DAAM2: variants seen among roughly 807,000 people sequenced by gnomAD.
DAAM2 encodes the protein dishevelled associated activator of morphogenesis 2, also known as disheveled-associated activator of morphogenesis 2.
DAAM2 carries 39 observed loss-of-function variants against 120.7 expected under a neutral mutation model. The observed-to-expected ratio is 0.32, with a 90% CI of 0.25 to 0.42. The LOEUF (loss-of-function observed/expected upper bound fraction) is 0.42, where lower values mean the gene tolerates loss of function less well. Ranked by LOEUF, DAAM2 falls within the 10% of genes least tolerant of loss-of-function variation. DAAM2 has a pLI of 1.00. For missense variants in DAAM2, 1,283 were observed against 1,401.7 expected (o/e 0.92, Z 1.35); for synonymous variants, 488 against 524.9 (o/e 0.93, Z 0.96).
chr6:39,804,043 C>T (rs960548669), intron 1 of DAAM2, among the ~76,000 whole-genome samples: 8 of 152,148 alleles, frequency 5.3e-5, no homozygotes, highest in East Asian at 1.9e-4. Context: ...GCATTGCTGT[C>T]CTGGTCAGTG....
At chr6:39,869,150 G>C (rs541526391) in intron 7 of DAAM2, among the ~76,000 whole-genome samples, 9 of 152,222 alleles carry the variant, frequency 5.9e-5, no homozygotes, top group African/African-American at 1.9e-4. Context: ...GGTGGGAGGA[G>C]GGCGAGTTTG....
intron 23 of DAAM2, among the ~76,000 whole-genome samples, chr6:39,900,549 G>C (rs373430220): frequency 6.6e-6 from 1 of 152,182 alleles, no homozygotes; most frequent in African/African-American, 2.4e-5. Flanking sequence ...GTAAGTTATA[G>C]AACTGGGTTA....
chr6:39,876,132 C>T (rs980970994), intron 11 of DAAM2, among the ~76,000 whole-genome samples: 20 of 152,122 alleles, frequency 1.3e-4, no homozygotes, highest in Admixed American at 1.3e-4. Flanking sequence ...TTCTGGTTTA[C>T]CATATTTTAT....
At chr6:39,815,761 A>G (rs1170733312) in intron 1 of DAAM2, among the ~76,000 whole-genome samples, 1 of 152,154 alleles carries the variant, frequency 6.6e-6, no homozygotes, top group African/African-American at 2.4e-5. Context: ...TATTACAACA[A>G]TTCAGAATTG....
At chr6:39,898,849 A>T in intron 21 of DAAM2, 28 bp from the exon 22 acceptor site, 1 of 1,598,948 alleles carries the variant, frequency 6.3e-7, no homozygotes, top group Non-Finnish European at 8.6e-7. Context: ...GATGGTCCTC[A>T]TTCCCTTCCC....
chr6:39,799,429 A>G (rs1158043991), intron 1 of DAAM2, among the ~76,000 whole-genome samples: 1 of 152,238 alleles, frequency 6.6e-6, no homozygotes, highest in Non-Finnish European at 1.5e-5. Flanking sequence ...TTGCTGTTTG[A>G]CTACAGAATG....
In DAAM2 at chr6:39,879,262, C is replaced by A. The variant is rs1320714530; in HGVS notation, c.1630C>A (p.Pro544Thr). 2.6e-6 allele frequency: 4 copies of A among 1,534,292 alleles called. No individual in the cohort carries two copies. The South Asian group carries it at 4.9e-5, about 19-fold the overall frequency. Residue 544 changes from proline (P) to threonine (T), a missense_variant, in exon 14 of 25, where the codon CCT becomes ACT. Transcript: ENST00000274867. ...SMTTNDLPPP[P>T]PPLPFACCPP... ...GACAACCAATGACCTGCCTCCACCC[C>A]CTCCTCCTCTGCCCTTTGCCTGTTG...
At chr6:39,792,581 T>C (rs1262214079) in intron 1 of DAAM2, 116 bp downstream of exon 1, 1 of 152,078 alleles carries the variant, frequency 6.6e-6, no homozygotes, top group Non-Finnish European at 1.5e-5. Flanking sequence ...CCGCGGGGCT[T>C]GGGGAGGCAG....
chr6:39,873,451 T>A, intron 10 of DAAM2, 96 bp downstream of exon 10: 3 of 802,960 alleles, frequency 3.7e-6, no homozygotes, highest in Non-Finnish European at 6.4e-6. Context: ...GTTTGGGGAG[T>A]CTGACCATGT....
At chr6:39,825,910 G>A (rs186520270) in intron 1 of DAAM2, among the ~76,000 whole-genome samples, 1 of 152,328 alleles carries the variant, frequency 6.6e-6, no homozygotes, top group East Asian at 1.9e-4. Context: ...ATTGCTAAAT[G>A]GCCCAGCACA....
At chr6:39,900,502 CA>C (rs1554186274) in intron 23 of DAAM2, among the ~76,000 whole-genome samples, 2 of 152,146 alleles carry the variant, frequency 1.3e-5, no homozygotes, top group Non-Finnish European at 2.9e-5. Flanking sequence ...ACGCTAAAAT[CA>C]GAGATGCTAA....
chr6:39,813,990 A>G (rs1762238590), intron 1 of DAAM2, among the ~76,000 whole-genome samples: 1 of 152,148 alleles, frequency 6.6e-6, no homozygotes, highest in Non-Finnish European at 1.5e-5. Context: ...AACTGGGGGA[A>G]AGGGGCCCTA....
intron 15 of DAAM2, chr6:39,886,785 C>T (rs767218396): frequency 7.7e-5 from 19 of 247,850 alleles, no homozygotes; most frequent in South Asian, 1.8e-4. Flanking sequence ...CCATGCAAGG[C>T]GGCCCCTGAA....
intron 2 of DAAM2, among the ~76,000 whole-genome samples, chr6:39,860,467 A>C (rs1237448133): frequency 6.6e-6 from 1 of 152,188 alleles, no homozygotes; most frequent in East Asian, 1.9e-4. Context: ...GGTAGATGTG[A>C]AGGATGGGGC....
intron 14 of DAAM2, among the ~76,000 whole-genome samples, chr6:39,880,361 G>C (rs1017942985): frequency 5.3e-5 from 8 of 152,194 alleles, no homozygotes; most frequent in African/African-American, 1.9e-4. Flanking sequence ...AGTCAAGTGG[G>C]AAGAGATGCA....
intron 3 of DAAM2, among the ~76,000 whole-genome samples, chr6:39,863,425 AT>A (rs1225645013): frequency 6.6e-6 from 1 of 152,210 alleles, no homozygotes; most frequent in Admixed American, 6.5e-5. Flanking sequence ...TAAGATTTGT[AT>A]TTTGTGAAAC....
chr6:39,816,599 G>A (rs1289218715), intron 1 of DAAM2, among the ~76,000 whole-genome samples: 1 of 152,188 alleles, frequency 6.6e-6, no homozygotes, highest in Non-Finnish European at 1.5e-5. Context: ...CAGCTAAATA[G>A]TTCCTGTAAT....
At chr6:39,794,764 A>G (rs913765599) in intron 1 of DAAM2, among the ~76,000 whole-genome samples, 2 of 152,240 alleles carry the variant, frequency 1.3e-5, no homozygotes, top group Non-Finnish European at 2.9e-5. Flanking sequence ...AAGTACAGGC[A>G]GTAGAGAAAG....
intron 1 of DAAM2, among the ~76,000 whole-genome samples, chr6:39,846,071 C>T (rs562069930): frequency 3.3e-5 from 5 of 152,090 alleles, no homozygotes; most frequent in African/African-American, 7.2e-5. Flanking sequence ...GCATCCAAGG[C>T]GTTTTAGAAA....
Sources: gnomAD v4.1 joint callset for allele counts (sites outside exome capture counted in the v4.1 genomes callset) on GRCh38, gnomAD v4.1.1 for gene constraint, MANE v1.5 for transcripts, NCBI Gene and HGNC (gene_info 2026-07-23, HGNC 2026-07-21) for gene names.